GSE1: variants seen among roughly 807,000 people sequenced by gnomAD.
GSE1 encodes the protein Gse1 coiled-coil protein.
Under a neutral mutation model 112.6 loss-of-function variants are expected in GSE1, and 32 were observed. The ratio of observed to expected loss-of-function variants is 0.28; its 90% CI spans 0.21 to 0.38. GSE1 has a LOEUF of 0.38. Ranked by LOEUF, GSE1 falls within the 10% of genes least tolerant of loss-of-function variation. The pLI is 1.00. For missense variants in GSE1, 2,348 were observed against 1,699.2 expected, an observed-to-expected ratio of 1.38 and a Z score of -6.71; for synonymous variants, 1,115 against 735.6, an observed-to-expected ratio of 1.52 and a Z score of -8.35.
chr16:85,464,648 G>A (rs527878028), intron 2 of GSE1, among the ~76,000 whole-genome samples: 8 of 152,346 alleles, frequency 5.3e-5, no homozygotes, highest in South Asian at 4.1e-4. Flanking sequence ...ACCATCTCCC[G>A]GGCGGAGGGT....
At chr16:85,194,031 A>G (rs2074879606) in intron 1 of GSE1, among the ~76,000 whole-genome samples, 2 of 152,170 alleles carry the variant, frequency 1.3e-5, no homozygotes, top group African/African-American at 2.4e-5. Context: ...GAAAAAGGAA[A>G]TGAGGCTCTG....
intron 1 of GSE1, among the ~76,000 whole-genome samples, chr16:85,627,583 C>A (rs1013766750): frequency 6.6e-6 from 1 of 152,068 alleles, no homozygotes; most frequent in Non-Finnish European, 1.5e-5. Context: ...GGGGGCCTCG[C>A]AGACCTGGTC....
exon 2 of GSE1, chr16:85,357,491 C>T (rs1397197012): frequency 1.6e-6 from 2 of 1,251,316 alleles, no homozygotes; most frequent in African/African-American, 1.5e-5. Flanking sequence ...GAAGCATCTG[C>T]AGCCAGCCAC....
intron 2 of GSE1, among the ~76,000 whole-genome samples, chr16:85,414,790 A>G (rs1401529419): frequency 6.6e-6 from 1 of 152,018 alleles, no homozygotes; most frequent in Non-Finnish European, 1.5e-5. Flanking sequence ...ACCTGCCACC[A>G]TGCCTGACTA....
upstream of GSE1, among the ~76,000 whole-genome samples, chr16:85,612,307 C>G (rs982104311): frequency 6.6e-6 from 1 of 151,992 alleles, no homozygotes; most frequent in Non-Finnish European, 1.5e-5. Context: ...CCTTCAGTCC[C>G]TCTCCGCGCC....
At chr16:85,187,942 C>T (rs1166620880) in intron 1 of GSE1, among the ~76,000 whole-genome samples, 1 of 152,228 alleles carries the variant, frequency 6.6e-6, no homozygotes, top group Non-Finnish European at 1.5e-5. Flanking sequence ...CAGGATAACC[C>T]TTCCCTTCCC....
chr16:85,649,407 C>T (rs906611934), intron 3 of GSE1, among the ~76,000 whole-genome samples: 1 of 152,188 alleles, frequency 6.6e-6, no homozygotes, highest in South Asian at 2.1e-4. Context: ...AAGATCCCAG[C>T]CCAGACGCTA....
chr16:85,547,425 G>A (rs1055171557), intron 2 of GSE1, among the ~76,000 whole-genome samples: 26 of 152,138 alleles, frequency 1.7e-4, no homozygotes, highest in African/African-American at 4.1e-4. Context: ...GCCATATCAC[G>A]CCAATTTCTG....
intron 2 of GSE1, among the ~76,000 whole-genome samples, chr16:85,505,965 C>CAAAA (rs75845915): frequency 7.6e-6 from 1 of 132,266 alleles, no homozygotes. Context: ...ACCCTGTCTC[C>CAAAA]AAAAAAAAAA....
At chr16:85,671,461 C>CAAAAAAAAAAAA (rs1193691794) in intron 15 of GSE1, among the ~76,000 whole-genome samples, 7 of 76,446 alleles carry the variant, frequency 9.2e-5, no homozygotes, top group East Asian at 5.6e-4. Context: ...AAAAAAAGAT[C>CAAAAAAAAAAAA]AAAATTTGGA....
At chr16:85,339,439 A>G (rs1434008200) in intron 1 of GSE1, among the ~76,000 whole-genome samples, 3 of 152,050 alleles carry the variant, frequency 2.0e-5, no homozygotes, top group Non-Finnish European at 4.4e-5. Context: ...CGCCCTTTCT[A>G]GAAGCTTCTG....
chr16:85,206,204 T>G (rs2075113252), intron 1 of GSE1, among the ~76,000 whole-genome samples: 1 of 149,320 alleles, frequency 6.7e-6, no homozygotes, highest in African/African-American at 2.5e-5. Flanking sequence ...GGGGGGCGCA[T>G]GTGCAAAGGG....
chr16:85,272,359 G>A (rs559538248), intron 1 of GSE1, among the ~76,000 whole-genome samples: 1 of 152,290 alleles, frequency 6.6e-6, no homozygotes, highest in Admixed American at 6.5e-5. Context: ...GTGATTCTTT[G>A]GGCAACTTTC....
chr16:85,183,621 T>C (rs771995703), intron 1 of GSE1, among the ~76,000 whole-genome samples: 1 of 152,232 alleles, frequency 6.6e-6, no homozygotes, highest in Non-Finnish European at 1.5e-5. Context: ...TGTTTGCACT[T>C]GTCCTTCTCT....
At chr16:85,228,321 G>C (rs2075524704) in intron 1 of GSE1, among the ~76,000 whole-genome samples, 1 of 152,316 alleles carries the variant, frequency 6.6e-6, no homozygotes, top group African/African-American at 2.4e-5. Context: ...AGGTTTTTGA[G>C]CAGAGGAGGT....
At chr16:85,637,607 C>T (rs765374814) in intron 2 of GSE1, among the ~76,000 whole-genome samples, 6 of 152,178 alleles carry the variant, frequency 3.9e-5, no homozygotes, top group Non-Finnish European at 7.3e-5. Flanking sequence ...GCTTCTCACA[C>T]ACCCTTCGCC....
At chr16:85,575,134 T>G (rs2046174795) in intron 1 of GSE1, among the ~76,000 whole-genome samples, 1 of 151,126 alleles carries the variant, frequency 6.6e-6, no homozygotes, top group Non-Finnish European at 1.5e-5. Context: ...TATCACACCT[T>G]GGCGCTACAG....
At chr16:85,184,695 G>C (rs746405324) in intron 1 of GSE1, among the ~76,000 whole-genome samples, 2 of 152,018 alleles carry the variant, frequency 1.3e-5, no homozygotes, top group East Asian at 3.8e-4. Flanking sequence ...AATTTCCCTT[G>C]TGTTTTTTTT....
In GSE1 at chr16:85,518,932, CT is replaced by C. The variant is rs1456266448; in HGVS notation, c.2465-114980del. 7.2e-5 allele frequency among the ~76,000 whole-genome samples: 11 copies of C among 152,290 alleles called. No homozygotes were observed. The South Asian group carries it at 2.1e-3, about 29-fold the overall frequency. On this transcript the variant is annotated intron_variant, in intron 2 of 2. Coordinates refer to the GSE1 transcript ENST00000637419. ...TTGTCCTCCGCTGGCTCGTGTTTTT[CT>C]TCTCTGGACCTGGATCCAGGCAGGA...
Sources: allele counts gnomAD v4.1 joint callset (sites outside exome capture counted in the v4.1 genomes callset), GRCh38; gene constraint gnomAD v4.1.1; transcripts MANE v1.5; gene names NCBI Gene and HGNC (gene_info 2026-07-23, HGNC 2026-07-21).